The following TNPO3 variants were observed in gnomAD, a reference collection of about 807,000 sequenced individuals.
TNPO3 encodes the protein transportin 3.
In TNPO3, 65 loss-of-function variants were observed where a neutral mutation model predicts 122.8. That is an observed-to-expected ratio of 0.53 (90% CI 0.43 to 0.65). The LOEUF (loss-of-function observed/expected upper bound fraction) is 0.65. TNPO3 is among the 30% of genes least tolerant of loss of function. The pLI is 0.00. For synonymous variants in TNPO3, 372 were observed against 411.2 expected (o/e 0.90, Z 1.15); for missense variants, 850 against 1,136.7 (o/e 0.75, Z 3.63).
At chr7:129,026,089 G>A (rs1440902663) in intron 1 of TNPO3, among the ~76,000 whole-genome samples, 1 of 145,566 alleles carries the variant, frequency 6.9e-6, no homozygotes, top group African/African-American at 2.6e-5. Flanking sequence ...TCATGCCATT[G>A]CACTCCAGCC....
chr7:128,972,213 A>G (rs1190196001), intron 19 of TNPO3, among the ~76,000 whole-genome samples: 1 of 152,200 alleles, frequency 6.6e-6, no homozygotes, highest in Non-Finnish European at 1.5e-5. Context: ...ATGATTTGGG[A>G]GCATGAACAG....
intron 19 of TNPO3, 26 bp from the exon 20 acceptor site, chr7:128,970,341 A>C: frequency 6.5e-7 from 1 of 1,544,352 alleles, no homozygotes; most frequent in East Asian, 2.3e-5. Flanking sequence ...CAGGAACATC[A>C]GATAAATTCT....
At chr7:129,013,559 G>T (rs1287348324) in intron 4 of TNPO3, among the ~76,000 whole-genome samples, 1 of 152,120 alleles carries the variant, frequency 6.6e-6, no homozygotes, top group Non-Finnish European at 1.5e-5. Context: ...AAAACAGTAC[G>T]GAAGTTTCTC....
chr7:129,044,194 C>T (rs773425277), intron 1 of TNPO3, among the ~76,000 whole-genome samples: 10 of 152,324 alleles, frequency 6.6e-5, no homozygotes, highest in Admixed American at 3.3e-4. Context: ...TCCCAAAATG[C>T]TGGGATTACA....
chr7:129,007,403 G>A (rs1380869694), intron 4 of TNPO3, among the ~76,000 whole-genome samples: 2 of 152,186 alleles, frequency 1.3e-5, no homozygotes, highest in Admixed American at 1.3e-4. Flanking sequence ...AAGTTAGGCA[G>A]ACTGCAACAA....
At chr7:129,014,653 GCCAA>G (rs1803626011) in intron 4 of TNPO3, among the ~76,000 whole-genome samples, 1 of 152,130 alleles carries the variant, frequency 6.6e-6, no homozygotes, top group Non-Finnish European at 1.5e-5. Context: ...TTTATTAACA[GCCAA>G]CAGTTTGGAG....
At chr7:128,983,023 T>A (rs1799785418) in intron 13 of TNPO3, among the ~76,000 whole-genome samples, 1 of 152,094 alleles carries the variant, frequency 6.6e-6, no homozygotes. Flanking sequence ...AAATCCTAAG[T>A]CTCCCACCAA....
At position 129,016,992 on chromosome 7, in the gene TNPO3, A is replaced by G; in HGVS notation, c.386T>C (p.Leu129Pro). 1.2e-6 allele frequency: 2 copies of G among 1,613,266 alleles called. No individual in the cohort carries two copies. Among genetic ancestry groups the G allele is most frequent in the Non-Finnish European group, 1.7e-6 (2 of 1,179,952 alleles). The change falls in exon 3 of 23, where the codon CTG becomes CCG. Residue 129 changes from leucine to proline, a missense_variant. Physicochemically the swap from Leu to Pro is moderately conservative, Grantham distance 98. Coordinates refer to ENST00000265388, the MANE Select transcript of TNPO3 (RefSeq NM_012470.4). ...MPSWKGCVQT[L>P]VEKYSNDVTS... Reference sequence around the variant, plus strand: ...AATACAAATTACTTACTTTTCCACCAGTGTTTGCACACATCCCTTCCAGGA... The same window carrying G: ...AATACAAATTACTTACTTTTCCACCGGTGTTTGCACACATCCCTTCCAGGA...
intron 17 of TNPO3, 111 bp from the exon 18 acceptor site, chr7:128,975,073 C>A (rs1798920508): frequency 1.3e-6 from 1 of 788,656 alleles, no homozygotes; most frequent in Non-Finnish European, 2.1e-6. Context: ...AAGAAAAGCA[C>A]AGCTGGGAAA....
rs1012055445 is a variant in TNPO3, at chr7:129,005,302, C to T, written c.553-143G>A. 3.2e-5 allele frequency: 24 copies of T among 756,586 alleles called. No homozygotes were observed. In the African/African-American group the frequency reaches 4.9e-4, roughly 15 times the overall value. The allele number at this position is 756,586 out of a possible 1,614,324, so 46.9% of individuals were successfully genotyped here. On this transcript the variant is annotated intron_variant, in intron 4 of 22. Coordinates refer to ENST00000265388, the MANE Select transcript of TNPO3 (RefSeq NM_012470.4). The stretch of plus-strand genomic sequence containing the variant: ...AAGTGCTTTTTAAGTTTAAGTGTCA[C>T]TGTTTTTTTTTTTTCCTTTTAAGAG...
In TNPO3 at chr7:129,017,151, A is replaced by T. The variant is rs568009266; in HGVS notation, c.322-95T>A. 12 of 1,205,290 alleles carry T rather than the reference A, an allele frequency of 1.0e-5. No individual in the cohort carries two copies. In the African/African-American group the frequency reaches 1.5e-4, roughly 15 times the overall value. The allele number at this position is 1,205,290 out of a possible 1,614,324, so 74.7% of individuals were successfully genotyped here. On this transcript the variant is annotated intron_variant, in intron 2 of 22. Coordinates refer to ENST00000265388, the MANE Select transcript of TNPO3 (RefSeq NM_012470.4). The stretch of plus-strand genomic sequence containing the variant: ...AAGCAAAGAAACATTTCTTCCAAAC[A>T]ATATGACAACTAAGACTAACCCCCT...
chr7:128,955,513 G>GA (rs1350175053), intron 22 of TNPO3, 128 bp from the exon 23 acceptor site: 3 of 344,440 alleles, frequency 8.7e-6, no homozygotes, highest in Admixed American at 4.2e-5. Flanking sequence ...TAAGAACTCA[G>GA]AAAAAATAAA....
intron 8 of TNPO3, among the ~76,000 whole-genome samples, chr7:128,996,217 G>A (rs1342945268): frequency 6.6e-6 from 1 of 152,156 alleles, no homozygotes; most frequent in Non-Finnish European, 1.5e-5. Flanking sequence ...GGATGAAATC[G>A]ATGTGGCAAA....
chr7:128,974,266 G>A (rs897290421), intron 18 of TNPO3, among the ~76,000 whole-genome samples: 20 of 147,488 alleles, frequency 1.4e-4, no homozygotes, highest in Non-Finnish European at 2.7e-4. Flanking sequence ...TTGGGCTTTT[G>A]TTGTTTCGAA....
intron 1 of TNPO3, among the ~76,000 whole-genome samples, chr7:129,027,583 A>AAAAAAAAAAAAAAAC (rs1805376529): frequency 7.2e-6 from 1 of 138,690 alleles, no homozygotes; most frequent in African/African-American, 2.6e-5. Context: ...AAAAAAAAAA[A>AAAAAAAAAAAAAAAC]AAAAAAAACA....
intron 1 of TNPO3, among the ~76,000 whole-genome samples, chr7:129,035,562 G>A (rs1806541280): frequency 6.6e-6 from 1 of 152,118 alleles, no homozygotes; most frequent in Non-Finnish European, 1.5e-5. Context: ...GCCGCAGTGA[G>A]CCTTGATCAC....
chr7:129,049,306 T>C (rs1028758516), intron 1 of TNPO3, among the ~76,000 whole-genome samples: 5 of 152,058 alleles, frequency 3.3e-5, no homozygotes, highest in African/African-American at 1.2e-4. Flanking sequence ...AACCAAAAGA[T>C]CAAGGTCCCA....
rs150829773 is a variant in TNPO3 at position 128,962,514 on chromosome 7, G to C, written c.2711+4766C>G. Among the ~76,000 whole-genome samples, 487 of 152,304 alleles carry C rather than the reference G, an allele frequency of 3.2e-3. 3 individuals are homozygous for C. The highest frequency in any genetic ancestry group is 2.2e-3 in the Non-Finnish European group (152 of 68,024). On this transcript the variant is annotated intron_variant, in intron 21 of 22. Coordinates refer to ENST00000265388, the MANE Select transcript of TNPO3 (RefSeq NM_012470.4). Reference sequence around the variant, plus strand: ...AGTAGCATGTTGAGGCAGGTGTTACGGACCTTAAAATCAAAAGGGAGACTG... The same window carrying C: ...AGTAGCATGTTGAGGCAGGTGTTACCGACCTTAAAATCAAAAGGGAGACTG...
At chr7:128,999,404 T>C (rs6952313) in intron 7 of TNPO3, among the ~76,000 whole-genome samples, 1,561 of 152,234 alleles carry the variant, frequency 0.01, 20 homozygotes, top group African/African-American at 0.035. Flanking sequence ...CCCAGAAATG[T>C]TTTGGGTTCC....
Sources: allele counts gnomAD v4.1 joint callset (sites outside exome capture counted in the v4.1 genomes callset), GRCh38; gene constraint gnomAD v4.1.1; transcripts MANE v1.5; gene names NCBI Gene and HGNC (gene_info 2026-07-23, HGNC 2026-07-21).